Variants in LIPG observed in about 807,000 individuals in gnomAD.
LIPG encodes endothelial lipase.
Under a neutral mutation model 51.8 loss-of-function variants are expected in LIPG, and 34 were observed. That is an observed-to-expected ratio of 0.66 (90% CI 0.50 to 0.87). LIPG has a LOEUF of 0.87. Among genes scored for constraint, LIPG ranks in the 40% least tolerant of loss-of-function variants. The probability of loss-of-function intolerance (pLI) is 0.00; values close to 1 mark genes in which losing one functional copy is unlikely to be tolerated. For missense variants in LIPG, 580 were observed against 652.7 expected (o/e 0.89, Z 1.21); for synonymous variants, 246 against 246.1 (o/e 1.00, Z 0.00).
rs1324229633 is a variant in LIPG, at chr18:49,578,953, A to G, written c.794-2462A>G. ...GGCAGGGAGGTTGCAGTGAGCCGAG[A>G]TGGCAGCAGTACAGTCCAGCTTCGG... On this transcript the variant is annotated intron_variant, in intron 5 of 9. Coordinates refer to ENST00000261292, the MANE Select transcript of LIPG (RefSeq NM_006033.4). Among the ~76,000 whole-genome samples, 4 of 136,642 alleles carry G rather than the reference A, an allele frequency of 2.9e-5. No individual in the cohort carries two copies. The South Asian group carries it at 1.0e-3, about 35-fold the overall frequency. 89.6% of individuals were successfully genotyped at this position (136,642 alleles called of 152,430 possible). A position where few individuals can be genotyped will look rare whatever the true frequency, so the allele number is the denominator to read the frequency against.
At chr18:49,572,042 G>A (rs1389896698) in intron 4 of LIPG, among the ~76,000 whole-genome samples, 6 of 152,308 alleles carry the variant, frequency 3.9e-5, no homozygotes, top group South Asian at 2.1e-4. Context: ...GGGCGTGGCC[G>A]GGCGCAGTGG....
chr18:49,573,385 G>A (rs1397125676), intron 4 of LIPG, among the ~76,000 whole-genome samples: 3 of 152,122 alleles, frequency 2.0e-5, no homozygotes, highest in Admixed American at 1.3e-4. Flanking sequence ...CTCTCAAGCA[G>A]CCTGGGCTCC....
At chr18:49,576,270 G>A (rs1048780877) in intron 5 of LIPG, among the ~76,000 whole-genome samples, 1 of 152,060 alleles carries the variant, frequency 6.6e-6, no homozygotes, top group Middle Eastern at 3.2e-3. Flanking sequence ...TAGCCAGTAT[G>A]AATGCTTTTG....
chr18:49,586,947 A>G (rs911581849), intron 9 of LIPG, 97 bp downstream of exon 9: 4 of 896,032 alleles, frequency 4.5e-6, no homozygotes, highest in Non-Finnish European at 7.4e-6. Flanking sequence ...GGGACATAGC[A>G]TGAACAAAAC....
At chr18:49,577,088 G>C (rs1198171726) in intron 5 of LIPG, among the ~76,000 whole-genome samples, 18 of 148,010 alleles carry the variant, frequency 1.2e-4, no homozygotes, top group Admixed American at 2.7e-4. Context: ...AGGGTCATGG[G>C]ACAATAGTGG....
intron 9 of LIPG, among the ~76,000 whole-genome samples, chr18:49,587,400 C>T (rs932006311): frequency 2.0e-5 from 3 of 147,602 alleles, no homozygotes; most frequent in Non-Finnish European, 3.1e-5. Context: ...GAAACCTCAT[C>T]TCTCTAAAAA....
At chr18:49,563,758 CAG>C (rs1276029092) in intron 1 of LIPG, among the ~76,000 whole-genome samples, 2 of 152,036 alleles carry the variant, frequency 1.3e-5, no homozygotes, top group African/African-American at 4.8e-5. Flanking sequence ...GAGGAACAAT[CAG>C]AAAGTCCCAG....
At position 49,568,488 on chromosome 18, in the gene LIPG, C is replaced by A. The variant is rs537316099; in HGVS notation, c.459+867C>A. On this transcript the variant is annotated intron_variant, in intron 3 of 9. Coordinates refer to ENST00000261292, the MANE Select transcript of LIPG (RefSeq NM_006033.4). ...CTCTACCTCCTGGGTTCAAGCAATT[C>A]TCCTGCCTTAGACTCCCAAGTAGCT... Among the ~76,000 whole-genome samples, 3 of 152,168 alleles carry A rather than the reference C, an allele frequency of 2.0e-5. No homozygotes were observed. The East Asian group carries it at 5.8e-4, about 29-fold the overall frequency.
chr18:49,573,682 G>A (rs142125282), intron 4 of LIPG, among the ~76,000 whole-genome samples: 13 of 152,184 alleles, frequency 8.5e-5, no homozygotes, highest in African/African-American at 2.6e-4. Context: ...CAAGTTGACC[G>A]TCCACTCTAG....
chr18:49,583,823 A>G (rs752851746), intron 8 of LIPG, 49 bp downstream of exon 8: 2 of 1,508,340 alleles, frequency 1.3e-6, no homozygotes, highest in Non-Finnish European at 1.8e-6. Flanking sequence ...GGGGAACAGA[A>G]GGCTGTGCCT....
intron 5 of LIPG, among the ~76,000 whole-genome samples, chr18:49,579,457 C>G (rs1383729538): frequency 6.6e-6 from 1 of 151,934 alleles, no homozygotes; most frequent in Non-Finnish European, 1.5e-5. Context: ...AATGCTTGAG[C>G]TTATTCTCAG....
intron 3 of LIPG, 125 bp downstream of exon 3, chr18:49,567,746 A>G (rs2084622378): frequency 3.2e-6 from 3 of 942,938 alleles, no homozygotes; most frequent in Non-Finnish European, 4.7e-6. Context: ...TTTGAGATTA[A>G]AAGTTTTATT....
In LIPG at chr18:49,593,508, G is replaced by A. The variant is rs1019873183; in HGVS notation, c.*2986G>A. 6.6e-6 allele frequency: 1 copy of A among 152,212 alleles called. No individual in the cohort carries two copies. Among genetic ancestry groups the A allele is most frequent in the Admixed American group, 6.5e-5 (1 of 15,276 alleles). The allele number at this position is 152,212 out of a possible 1,614,324, so 9.4% of individuals were successfully genotyped here. A position where few individuals can be genotyped will look rare whatever the true frequency, so the allele number is the denominator to read the frequency against. On this transcript the variant is annotated 3_prime_UTR_variant, in exon 10 of 10. Transcript: ENST00000261292. ...AGCATTAGTGAGATTATTAGGTTTG[G>A]TTGAATTGGAACTAGATATCAGTGA...
Position 49,581,472 on chromosome 18 carries a change from C to T in LIPG, c.851C>T (p.Ser284Phe). The change falls in exon 6 of 10, where the codon TCT (serine) becomes TTT (phenylalanine). Residue 284 changes from serine (S) to phenylalanine (F), a missense_variant. By Grantham distance (155) the Ser-to-Phe change is radical. Transcript: ENST00000261292. ...HERAVHLFVD[S>F]LVNQDKPSFA... ...CGAGCCGTCCACCTCTTTGTTGACT[C>T]TCTGGTGAATCAGGACAAGCCGAGT... is the stretch of plus-strand genomic sequence containing the variant. 1 of 1,614,214 alleles carries T rather than the reference C, an allele frequency of 6.2e-7. No individual in the cohort carries two copies. Among genetic ancestry groups the T allele is most frequent in the Non-Finnish European group, 8.5e-7 (1 of 1,180,044 alleles).
rs2084933958 is a variant in LIPG, at chr18:49,590,715, GC to G, written c.*194del. On this transcript the variant is annotated 3_prime_UTR_variant, in exon 10 of 10. Transcript: ENST00000261292. ...AGGGGACTGCGCTGCTATAGCTCTT[GC>G]TGCCTCTCTTGAATAGCTCTAACTC... 4.6e-6 allele frequency: 3 copies of G among 655,486 alleles called. No homozygotes were observed. The South Asian group carries it at 5.2e-5, about 11-fold the overall frequency. 40.6% of individuals were successfully genotyped at this position (655,486 alleles called of 1,614,324 possible). A position where few individuals can be genotyped will look rare whatever the true frequency, so the allele number is the denominator to read the frequency against.
chr18:49,565,561 T>C, intron 2 of LIPG, 63 bp downstream of exon 2: 7 of 1,574,624 alleles, frequency 4.4e-6, no homozygotes, highest in Non-Finnish European at 6.1e-6. Flanking sequence ...TTTTGGTCAA[T>C]TAGAAAGAAT....
intron 1 of LIPG, among the ~76,000 whole-genome samples, chr18:49,564,545 T>C (rs2084582653): frequency 6.6e-6 from 1 of 152,258 alleles, no homozygotes; most frequent in Non-Finnish European, 1.5e-5. Context: ...ACAAACCAGA[T>C]GAATGCCTGG....
rs544809149 is a variant in LIPG, at chr18:49,574,830, C to T, written c.572-539C>T. On this transcript the variant is annotated intron_variant, in intron 4 of 9. Transcript: ENST00000261292. ...GTCCTCTTCTCTCTCACCATTCCACCCCTGGGCCTGATTAAAGGAAGAAGA... is the reference window on the plus strand; with the variant it reads ...GTCCTCTTCTCTCTCACCATTCCACTCCTGGGCCTGATTAAAGGAAGAAGA... Among the ~76,000 whole-genome samples the T allele has an allele frequency of 7.2e-4, 110 of 152,208 alleles. 1 individual carries two copies. Among genetic ancestry groups the T allele is most frequent in the African/African-American group, 2.6e-3 (108 of 41,530 alleles).
At chr18:49,577,965 C>A (rs1219514022) in intron 5 of LIPG, among the ~76,000 whole-genome samples, 2 of 128,584 alleles carry the variant, frequency 1.6e-5, no homozygotes, top group Non-Finnish European at 3.3e-5. Context: ...GCTGGCCGGG[C>A]AGGGGGCTGA....
Sources: gnomAD v4.1 joint callset for allele counts (sites outside exome capture counted in the v4.1 genomes callset) on GRCh38, gnomAD v4.1.1 for gene constraint, MANE v1.5 for transcripts, NCBI Gene and HGNC (gene_info 2026-07-23, HGNC 2026-07-21) for gene names.